Variants in FAM3D observed in about 807,000 individuals in gnomAD.
FAM3D encodes the protein FAM3 metabolism regulating signaling molecule D.
A neutral mutation model predicts 29.8 loss-of-function variants in FAM3D; 26 were observed. The observed-to-expected ratio is 0.87, with a 90% CI of 0.64 to 1.21. The LOEUF (loss-of-function observed/expected upper bound fraction) is 1.21. Ranked by LOEUF, FAM3D falls within the 50% of genes most tolerant of loss-of-function variation. The pLI is 0.00. For missense variants in FAM3D, 253 were observed against 290.9 expected (o/e 0.87, Z 0.95); for synonymous variants, 115 against 102.3 (o/e 1.12, Z -0.75).
At position 58,637,878 on chromosome 3, in the gene FAM3D, G is replaced by GATTATTATTATTATTATTATT. The variant is rs9311680; in HGVS notation, c.374-674_374-654dup. ...GAAGAGGCTGATTTGTTTCCCTTGT[G>GATTATTATTATTATTATTATT]ATTATTATTATTATTATTATTCTGA... On this transcript the variant is annotated intron_variant, in intron 7 of 9. Transcript: ENST00000358781. 5.4e-3 allele frequency among the ~76,000 whole-genome samples: 797 copies of GATTATTATTATTATTATTATT among 148,696 alleles called. 8 individuals carry two copies. Among genetic ancestry groups the GATTATTATTATTATTATTATT allele is most frequent in the South Asian group, 0.052 (242 of 4,616 alleles).
intron 1 of FAM3D, 124 bp downstream of exon 1, chr3:58,666,452 T>C (rs1158542665): frequency 1.3e-5 from 2 of 152,400 alleles, no homozygotes; most frequent in East Asian, 3.9e-4. Context: ...CCTTCTTTCT[T>C]TCCTTTCATC....
At chr3:58,648,365 C>T (rs1181483964) in intron 4 of FAM3D, among the ~76,000 whole-genome samples, 1 of 152,144 alleles carries the variant, frequency 6.6e-6, no homozygotes, top group East Asian at 1.9e-4. Context: ...AGAGTCACCA[C>T]CATGTTGAGA....
intron 6 of FAM3D, among the ~76,000 whole-genome samples, chr3:58,643,102 GC>G (rs2066379539): frequency 6.6e-6 from 1 of 152,162 alleles, no homozygotes; most frequent in Non-Finnish European, 1.5e-5. Context: ...CTGCATCCCA[GC>G]TCTGCATCCC....
chr3:58,644,895 G>A (rs2066432681), intron 5 of FAM3D, among the ~76,000 whole-genome samples: 1 of 152,188 alleles, frequency 6.6e-6, no homozygotes, highest in African/African-American at 2.4e-5. Flanking sequence ...TACCACCCCT[G>A]GTCTTTTAGG....
intron 3 of FAM3D, among the ~76,000 whole-genome samples, chr3:58,651,170 T>C (rs1027792942): frequency 3.9e-5 from 6 of 152,188 alleles, no homozygotes; most frequent in Admixed American, 6.5e-5. Flanking sequence ...CACTTATCAC[T>C]TTATACTCCA....
intron 4 of FAM3D, among the ~76,000 whole-genome samples, chr3:58,646,226 G>A (rs547040107): frequency 6.6e-6 from 1 of 152,310 alleles, no homozygotes; most frequent in South Asian, 2.1e-4. Flanking sequence ...CATTTACTGA[G>A]CATCTACTAA....
At position 58,649,314 on chromosome 3, in the gene FAM3D, C is replaced by G. The variant is rs1375763301; in HGVS notation, c.145+1G>C. 1.2e-6 allele frequency: 2 copies of G among 1,613,050 alleles called. No individual in the cohort carries two copies. The highest frequency in any genetic ancestry group is 1.7e-6 in the Non-Finnish European group (2 of 1,179,574). On this transcript the variant is annotated splice_donor_variant, in intron 4 of 9. Transcript: ENST00000358781. LOFTEE classifies it high-confidence loss of function. The stretch of plus-strand genomic sequence containing the variant: ...AGGTGTGGGGCTGCACAGATACTCA[C>G]GGATCTCCTTGGTGGGCGAGGCTGC...
At chr3:58,650,640 T>A (rs2066609085) in intron 3 of FAM3D, among the ~76,000 whole-genome samples, 1 of 152,214 alleles carries the variant, frequency 6.6e-6, no homozygotes, top group South Asian at 2.1e-4. Flanking sequence ...AGCCACAAGA[T>A]GCCCATAGTG....
In FAM3D at chr3:58,649,322, C is replaced by G; in HGVS notation, c.138G>C (p.Lys46Asn). 4 of 1,613,444 alleles carry G rather than the reference C, an allele frequency of 2.5e-6. No individual in the cohort carries two copies. The highest frequency in any genetic ancestry group is 3.4e-6 in the Non-Finnish European group (4 of 1,179,712). ...GGCTGCACAGATACTCACGGATCTCCTTGGTGGGCGAGGCTGCTGGAGAGA... is the reference window on the plus strand; with the variant it reads ...GGCTGCACAGATACTCACGGATCTCGTTGGTGGGCGAGGCTGCTGGAGAGA... ...LPRWLAASPT[K>N]EIQVKKYKCG... Residue 46 changes from lysine to asparagine, a missense_variant, in exon 4 of 10, where the codon AAG becomes AAC. Physicochemically the swap from Lys to Asn is moderately conservative, Grantham distance 94. Transcript: ENST00000358781.
rs540359928 is a variant in FAM3D at position 58,635,652 on chromosome 3, C to G, written c.585+642G>C. Among the ~76,000 whole-genome samples, 1 of 152,244 alleles carries G rather than the reference C, an allele frequency of 6.6e-6. No homozygotes were observed. The highest frequency in any genetic ancestry group is 2.4e-5 in the African/African-American group (1 of 41,458). On this transcript the variant is annotated intron_variant, in intron 9 of 9. Transcript: ENST00000358781. The surrounding 1 kb of genome is among the most constrained non-coding windows in gnomAD (Gnocchi z 5.2). ...ACCACACCCGGCCGCCCCCGCCCAC[C>G]GGCCTCCTGCGTTCTTCACTGCGTT...
intron 5 of FAM3D, among the ~76,000 whole-genome samples, chr3:58,644,271 C>T (rs2066416942): frequency 1.3e-5 from 2 of 152,208 alleles, no homozygotes. Flanking sequence ...TGTGTCCCCA[C>T]CCAAAGCTCA....
chr3:58,637,167 C>T lies in FAM3D; in HGVS notation c.432G>A (p.Val144=). 1 of 1,613,980 alleles carries T rather than the reference C, an allele frequency of 6.2e-7. No individual in the cohort carries two copies. The change falls in exon 8 of 10, where the codon GTG becomes GTA. Residue 144 remains valine, a synonymous_variant. Coordinates refer to ENST00000358781, the MANE Select transcript of FAM3D (RefSeq NM_138805.3). ...KEIPGGALVL[V]ASYDDPGTKM... is the part of the protein sequence containing the mutation. ...TGGTCCCTGGATCGTCGTAGGAGGC[C>T]ACCAGCACCAGTGCACCCCCCGGAA...
chr3:58,645,451 A>G (rs75207696), intron 5 of FAM3D, 58 bp downstream of exon 5: 4 of 1,109,322 alleles, frequency 3.6e-6, no homozygotes, highest in Admixed American at 6.3e-5. Context: ...TTTTTAATGA[A>G]TGAATGAAAT....
chr3:58,655,147 G>A (rs147467956), intron 2 of FAM3D, among the ~76,000 whole-genome samples: 18 of 152,266 alleles, frequency 1.2e-4, no homozygotes, highest in African/African-American at 4.1e-4. Flanking sequence ...TGCATTTCGT[G>A]TCTGCTGCCT....
At chr3:58,650,810 C>T (rs1559503468) in intron 3 of FAM3D, among the ~76,000 whole-genome samples, 1 of 152,154 alleles carries the variant, frequency 6.6e-6, no homozygotes, top group South Asian at 2.1e-4. Context: ...CTCCGCCTCC[C>T]GGGTTCACGC....
In FAM3D at chr3:58,637,244, G is replaced by T. The variant is rs1029446163; in HGVS notation, c.374-19C>A. The T allele has an allele frequency of 2.5e-6, 4 of 1,598,262 alleles. No homozygotes were observed. Among genetic ancestry groups the T allele is most frequent in the South Asian group, 1.1e-5 (1 of 89,094 alleles). On this transcript the variant is annotated intron_variant, in intron 7 of 9. Transcript: ENST00000358781. ...ATAACATCTGGGGGAGGAAGGAAAA[G>T]GTGCTGGTGATTTAGGGGAAATGAG...
intron 7 of FAM3D, 59 bp downstream of exon 7, chr3:58,640,068 G>A: frequency 1.3e-6 from 2 of 1,583,782 alleles, no homozygotes; most frequent in South Asian, 1.1e-5. Flanking sequence ...CACATGAAGA[G>A]GCTCAGCCCT....
At chr3:58,642,200 C>T (rs1437891067) in intron 6 of FAM3D, among the ~76,000 whole-genome samples, 1 of 152,160 alleles carries the variant, frequency 6.6e-6, no homozygotes, top group Non-Finnish European at 1.5e-5. Context: ...CTGCCCTGGC[C>T]CTTCCTGGGC....
chr3:58,645,426 C>T, intron 5 of FAM3D, 83 bp downstream of exon 5: 1 of 1,141,558 alleles, frequency 8.8e-7, no homozygotes, highest in Non-Finnish European at 1.2e-6. Context: ...AGGCCAGCCC[C>T]TGCAGCCTCT....
Sources: gnomAD v4.1 joint callset for allele counts (sites outside exome capture counted in the v4.1 genomes callset) on GRCh38, gnomAD v4.1.1 for gene constraint, Gnocchi (gnomAD v3.1) non-coding constraint, MANE v1.5 for transcripts, NCBI Gene and HGNC (gene_info 2026-07-23, HGNC 2026-07-21) for gene names.